The following R3HCC1L variants were observed in gnomAD, a reference collection of about 807,000 sequenced individuals.
R3HCC1L encodes the protein R3H domain and coiled-coil containing 1 like, also known as coiled-coil domain-containing protein R3HCC1L.
A neutral mutation model predicts 59.9 loss-of-function variants in R3HCC1L; 51 were observed. The ratio of observed to expected loss-of-function variants is 0.85; its 90% confidence interval spans 0.68 to 1.07. The LOEUF (loss-of-function observed/expected upper bound fraction) is 1.07. Ranked by LOEUF, R3HCC1L falls within the 50% of genes least tolerant of loss-of-function variation. The probability of loss-of-function intolerance (pLI) is 0.00; values close to 1 mark genes in which losing one functional copy is unlikely to be tolerated. For synonymous variants in R3HCC1L, 322 were observed against 315.2 expected, an observed-to-expected ratio of 1.02 and a Z score of -0.23; for missense variants, 965 against 933.0, an observed-to-expected ratio of 1.03 and a Z score of -0.45.
At chr10:98,182,400 T>C (rs2134606475) in intron 4 of R3HCC1L, among the ~76,000 whole-genome samples, 1 of 152,272 alleles carries the variant, frequency 6.6e-6, no homozygotes, top group South Asian at 2.1e-4. Context: ...TGATCCTTCC[T>C]CTGGAAGCTT....
At chr10:98,138,941 G>C (rs1267387158) in intron 1 of R3HCC1L, among the ~76,000 whole-genome samples, 1 of 152,146 alleles carries the variant, frequency 6.6e-6, no homozygotes, top group African/African-American at 2.4e-5. Context: ...TTAAAGATTG[G>C]GGTGGTGTTG....
At chr10:98,182,658 G>A (rs1445438355) in intron 4 of R3HCC1L, among the ~76,000 whole-genome samples, 1 of 152,176 alleles carries the variant, frequency 6.6e-6, no homozygotes, top group Non-Finnish European at 1.5e-5. Flanking sequence ...AGTCTACAGA[G>A]GCCTGCAGGC....
chr10:98,209,545 G>C lies in R3HCC1L; in HGVS notation c.1431G>C (p.Lys477Asn). ...SDCASSLPIK[K>N]IAGSNYNTFL... Reference sequence around the variant, plus strand: ...GTGCTTCCTCCTTACCTATAAAAAAGATTGCTGGTAGTAATTATAACACTT... The same window carrying C: ...GTGCTTCCTCCTTACCTATAAAAAACATTGCTGGTAGTAATTATAACACTT... The change falls in exon 5 of 10, where the codon AAG (lysine) becomes AAC (asparagine). Residue 477 changes from lysine (K) to asparagine (N), a missense_variant. Coordinates refer to ENST00000298999, the MANE Select transcript of R3HCC1L (RefSeq NM_001351015.2). 1.2e-6 allele frequency: 2 copies of C among 1,613,876 alleles called. No individual in the cohort carries two copies. The highest frequency in any genetic ancestry group is 1.7e-6 in the Non-Finnish European group (2 of 1,179,948).
intron 4 of R3HCC1L, among the ~76,000 whole-genome samples, chr10:98,198,145 C>CA (rs1851643089): frequency 6.6e-6 from 1 of 151,834 alleles, no homozygotes; most frequent in South Asian, 2.1e-4. Context: ...AATGGGCTGA[C>CA]AGTGATACTG....
chr10:98,174,858 C>T (rs925579905), intron 4 of R3HCC1L: 3 of 822,542 alleles, frequency 3.6e-6, no homozygotes, highest in Non-Finnish European at 2.9e-6. Context: ...AAAATTCTTA[C>T]ATATTGATGT....
At chr10:98,196,040 A>C (rs184746278) in intron 4 of R3HCC1L, among the ~76,000 whole-genome samples, 97 of 152,284 alleles carry the variant, frequency 6.4e-4, no homozygotes, top group African/African-American at 1.9e-3. Context: ...ATAAATACTG[A>C]GTCTCAAGGT....
intron 1 of R3HCC1L, among the ~76,000 whole-genome samples, chr10:98,141,973 CAG>C (rs927667774): frequency 6.6e-6 from 1 of 152,132 alleles, no homozygotes; most frequent in Non-Finnish European, 1.5e-5. Context: ...GTTAATAAAA[CAG>C]TATCACTTTT....
chr10:98,179,334 T>G (rs574960818), intron 4 of R3HCC1L, among the ~76,000 whole-genome samples: 7 of 152,328 alleles, frequency 4.6e-5, no homozygotes, highest in African/African-American at 1.7e-4. Context: ...GTGGTTTTTG[T>G]CTGTGGTTCT....
At chr10:98,182,755 C>T (rs1466544485) in intron 4 of R3HCC1L, among the ~76,000 whole-genome samples, 1 of 152,184 alleles carries the variant, frequency 6.6e-6, no homozygotes, top group Non-Finnish European at 1.5e-5. Context: ...GTGGACGCCC[C>T]TCCCTGAGCC....
intron 4 of R3HCC1L, 135 bp from the exon 5 acceptor site, chr10:98,207,966 A>T: frequency 1.3e-6 from 1 of 799,606 alleles, no homozygotes; most frequent in Non-Finnish European, 1.9e-6. Flanking sequence ...CAGAGGTTAC[A>T]GTGAGCTGAG....
At chr10:98,198,959 T>C (rs1851752589) in intron 4 of R3HCC1L, among the ~76,000 whole-genome samples, 1 of 152,114 alleles carries the variant, frequency 6.6e-6, no homozygotes, top group Non-Finnish European at 1.5e-5. Context: ...AATAAACAAA[T>C]GAAGTTAATT....
rs375521100 is a variant in R3HCC1L, at chr10:98,208,221, A to C, written c.107A>C (p.Glu36Ala). The C allele has an allele frequency of 6.2e-5, 100 of 1,613,962 alleles. No individual in the cohort carries two copies. Among genetic ancestry groups the C allele is most frequent in the Middle Eastern group, 1.6e-4 (1 of 6,084 alleles). The change falls in exon 5 of 10, where the codon GAA becomes GCA. Residue 36 changes from glutamate (E) to alanine (A), a missense_variant. Glu to Ala is a moderately radical substitution (Grantham distance 107, BLOSUM62 -1). Coordinates refer to ENST00000298999, the MANE Select transcript of R3HCC1L (RefSeq NM_001351015.2). Reference protein sequence around the residue: ...RGAVLLKTGDEEESCGSPNSV... With the variant: ...RGAVLLKTGDAEESCGSPNSV... The stretch of plus-strand genomic sequence containing the variant: ...GCAGTACTCCTTAAGACAGGTGATG[A>C]AGAAGAAAGCTGTGGTTCACCTAAC...
chr10:98,208,940 G>T lies in R3HCC1L; in HGVS notation c.826G>T (p.Val276Phe). 6.2e-7 allele frequency: 1 copy of T among 1,614,106 alleles called. No homozygotes were observed. The highest frequency in any genetic ancestry group is 8.5e-7 in the Non-Finnish European group (1 of 1,179,966). ...TTSVPGSPDG[V>F]FDQTCVDFEV... ...TTCTGTTCCTGGAAGTCCAGATGGT[G>T]TCTTTGATCAAACTTGCGTAGATTT... Residue 276 changes from valine to phenylalanine, a missense_variant, in exon 5 of 10, where the codon GTC becomes TTC. Coordinates refer to ENST00000298999, the MANE Select transcript of R3HCC1L (RefSeq NM_001351015.2).
At chr10:98,159,364 T>A (rs1432407510) in intron 2 of R3HCC1L, among the ~76,000 whole-genome samples, 1 of 152,238 alleles carries the variant, frequency 6.6e-6, no homozygotes, top group African/African-American at 2.4e-5. Context: ...TTTATTTTTA[T>A]GTTTAACCAT....
At position 98,235,514 on chromosome 10, in the gene R3HCC1L, T is replaced by A. The variant is rs374326200; in HGVS notation, c.2122T>A (p.Tyr708Asn). 33 of 1,609,814 alleles carry A rather than the reference T, an allele frequency of 2.0e-5. No individual in the cohort carries two copies. Among genetic ancestry groups the A allele is most frequent in the Non-Finnish European group, 2.8e-5 (33 of 1,177,582 alleles). Reference protein sequence around the residue: ...TRAAKAKARAYAEFLQPAKER... With the variant: ...TRAAKAKARANAEFLQPAKER... ...AGCAGCCAAGGCCAAAGCTAGAGCT[T>A]ATGCTGGTGAGTCTATAATCTCTGG... The change falls in exon 8 of 10, where the codon TAT (tyrosine) becomes AAT (asparagine). Residue 708 changes from tyrosine (Y) to asparagine (N), a missense_variant. Tyr to Asn is a moderately radical substitution (Grantham distance 143, BLOSUM62 -2). Coordinates refer to ENST00000298999, the MANE Select transcript of R3HCC1L (RefSeq NM_001351015.2).
chr10:98,217,893 T>C (rs1373720013), intron 5 of R3HCC1L, among the ~76,000 whole-genome samples: 1 of 152,200 alleles, frequency 6.6e-6, no homozygotes, highest in Non-Finnish European at 1.5e-5. Flanking sequence ...ACTGAATTTC[T>C]TTATCAGTTC....
intron 9 of R3HCC1L, among the ~76,000 whole-genome samples, chr10:98,238,347 A>C (rs1370036114): frequency 2.0e-5 from 3 of 152,218 alleles, no homozygotes; most frequent in Non-Finnish European, 4.4e-5. Context: ...TCCTCTCCTT[A>C]AGCCTTACAG....
intron 9 of R3HCC1L, 82 bp downstream of exon 9, chr10:98,236,246 C>T: frequency 1.3e-6 from 2 of 1,520,116 alleles, no homozygotes; most frequent in South Asian, 1.3e-5. Flanking sequence ...TGAATGAAGC[C>T]CATTCCATTT....
At chr10:98,181,986 C>T (rs1431744187) in intron 4 of R3HCC1L, among the ~76,000 whole-genome samples, 1 of 152,096 alleles carries the variant, frequency 6.6e-6, no homozygotes, top group Non-Finnish European at 1.5e-5. Flanking sequence ...AAGTTTGTTA[C>T]TACCGACCTT....
Sources: gnomAD v4.1 joint callset for allele counts (sites outside exome capture counted in the v4.1 genomes callset) on GRCh38, gnomAD v4.1.1 for gene constraint, MANE v1.5 for transcripts, NCBI Gene and HGNC (gene_info 2026-07-23, HGNC 2026-07-21) for gene names.